Variants in CLSTN2 observed in about 807,000 individuals in gnomAD.
CLSTN2 encodes the protein calsyntenin 2.
In CLSTN2, 48 loss-of-function variants were observed where a neutral mutation model predicts 101.2. That is an observed-to-expected ratio of 0.47 (90% CI 0.38 to 0.60). The LOEUF is 0.60. CLSTN2 is among the 20% of genes least tolerant of loss of function. The pLI is 0.00. For missense variants in CLSTN2, 1,160 were observed against 1,238.2 expected (o/e 0.94, Z 0.95); for synonymous variants, 481 against 463.6 (o/e 1.04, Z -0.48).
chr3:140,144,652 CTTTT>C (rs1358645431), intron 1 of CLSTN2, among the ~76,000 whole-genome samples: 1 of 152,048 alleles, frequency 6.6e-6, no homozygotes, highest in South Asian at 2.1e-4. Flanking sequence ...CCACCCATCT[CTTTT>C]TTCCTAAATA....
At chr3:140,480,722 C>T (rs1934096453) in intron 8 of CLSTN2, among the ~76,000 whole-genome samples, 1 of 152,128 alleles carries the variant, frequency 6.6e-6, no homozygotes, top group Non-Finnish European at 1.5e-5. Context: ...TTTCATCTGT[C>T]TTTTGCCTGC....
chr3:140,181,193 G>A (rs1421439131), intron 2 of CLSTN2, among the ~76,000 whole-genome samples: 1 of 152,196 alleles, frequency 6.6e-6, no homozygotes, highest in African/African-American at 2.4e-5. Context: ...TATTTAAAAT[G>A]GGGGTAATCA....
chr3:140,180,478 G>A (rs987517655), intron 2 of CLSTN2, among the ~76,000 whole-genome samples: 3 of 152,172 alleles, frequency 2.0e-5, no homozygotes, highest in Non-Finnish European at 2.9e-5. Flanking sequence ...ATCAGATACA[G>A]AAAAGAAAAT....
chr3:140,149,848 G>A (rs956344685), intron 1 of CLSTN2, among the ~76,000 whole-genome samples: 2 of 152,094 alleles, frequency 1.3e-5, no homozygotes, highest in East Asian at 3.9e-4. Flanking sequence ...AAATTTAACC[G>A]GGTGTCCTGT....
intron 2 of CLSTN2, among the ~76,000 whole-genome samples, chr3:140,192,448 C>T (rs1181057940): frequency 6.6e-6 from 1 of 151,658 alleles, no homozygotes; most frequent in East Asian, 1.9e-4. Flanking sequence ...TTAGTTCTAC[C>T]AGTTTTTCTT....
At chr3:140,310,284 C>A (rs543917405) in intron 2 of CLSTN2, among the ~76,000 whole-genome samples, 1 of 152,046 alleles carries the variant, frequency 6.6e-6, no homozygotes, top group Non-Finnish European at 1.5e-5. Flanking sequence ...CCCACCGCAC[C>A]CCCTCCCCGC....
chr3:140,542,630 T>C (rs944934944), intron 9 of CLSTN2, among the ~76,000 whole-genome samples: 1 of 152,188 alleles, frequency 6.6e-6, no homozygotes, highest in African/African-American at 2.4e-5. Context: ...TGGCCTCCTG[T>C]TGAAAAATGC....
chr3:140,501,500 A>G (rs1934576178), intron 8 of CLSTN2, among the ~76,000 whole-genome samples: 1 of 152,196 alleles, frequency 6.6e-6, no homozygotes, highest in African/African-American at 2.4e-5. Flanking sequence ...TAAGAGCTCC[A>G]CAGTGGGTTA....
chr3:140,248,740 G>A (rs1254749123), intron 2 of CLSTN2, among the ~76,000 whole-genome samples: 1 of 152,120 alleles, frequency 6.6e-6, no homozygotes, highest in South Asian at 2.1e-4. Flanking sequence ...CCAGTTGAGT[G>A]CTTTCATAAT....
intron 10 of CLSTN2, among the ~76,000 whole-genome samples, chr3:140,555,494 G>C (rs1029842396): frequency 2.6e-5 from 4 of 152,164 alleles, no homozygotes; most frequent in African/African-American, 9.7e-5. Context: ...ATAGAAATGA[G>C]ATAGCTACTT....
At chr3:140,294,885 A>G (rs879832849) in intron 2 of CLSTN2, among the ~76,000 whole-genome samples, 7 of 152,072 alleles carry the variant, frequency 4.6e-5, no homozygotes, top group South Asian at 2.1e-4. Context: ...GTATTCTTTC[A>G]TGGGGAGAAG....
chr3:140,018,948 T>C (rs1037832564), intron 1 of CLSTN2, among the ~76,000 whole-genome samples: 3 of 152,188 alleles, frequency 2.0e-5, no homozygotes, highest in Admixed American at 2.0e-4. Context: ...AGTTAATGGA[T>C]TATTACATGT....
intron 1 of CLSTN2, among the ~76,000 whole-genome samples, chr3:140,088,540 C>T (rs2008716707): frequency 6.6e-6 from 1 of 152,208 alleles, no homozygotes; most frequent in South Asian, 2.1e-4. Flanking sequence ...CATTTAAGGT[C>T]ATTTGAGCTG....
At chr3:140,407,506 T>C (rs1261278995) in intron 4 of CLSTN2, among the ~76,000 whole-genome samples, 1 of 152,132 alleles carries the variant, frequency 6.6e-6, no homozygotes, top group Non-Finnish European at 1.5e-5. Context: ...CTTACCCCAT[T>C]GTGGGGTTGT....
At chr3:140,391,236 G>T (rs112588440) in intron 2 of CLSTN2, among the ~76,000 whole-genome samples, 14 of 152,246 alleles carry the variant, frequency 9.2e-5, no homozygotes, top group African/African-American at 3.4e-4. Flanking sequence ...GTACCACGGG[G>T]TTGCAGCTGC....
At chr3:140,172,467 G>T (rs1460458024) in intron 1 of CLSTN2, among the ~76,000 whole-genome samples, 1 of 152,142 alleles carries the variant, frequency 6.6e-6, no homozygotes, top group Non-Finnish European at 1.5e-5. Context: ...GTTCTCACCA[G>T]ATGAGGTGAA....
intron 2 of CLSTN2, among the ~76,000 whole-genome samples, chr3:140,310,715 A>G (rs569946483): frequency 3.9e-5 from 6 of 152,174 alleles, no homozygotes; most frequent in African/African-American, 1.2e-4. Context: ...ACTTCATTGC[A>G]TTCTATTCTA....
At chr3:139,942,325 G>A (rs958672926) in intron 1 of CLSTN2, among the ~76,000 whole-genome samples, 6 of 152,132 alleles carry the variant, frequency 3.9e-5, no homozygotes, top group Non-Finnish European at 8.8e-5. Context: ...TTGGCCTCAA[G>A]CAGAGGAGGC....
intron 8 of CLSTN2, among the ~76,000 whole-genome samples, chr3:140,525,399 C>T (rs1593803): frequency 0.076 from 11,544 of 152,060 alleles, 1,447 homozygotes; most frequent in African/African-American, 0.26. Flanking sequence ...CTAGGAAGCA[C>T]GTGAAAACCT....
Sources: allele counts gnomAD v4.1 joint callset (sites outside exome capture counted in the v4.1 genomes callset), GRCh38; gene constraint gnomAD v4.1.1; transcripts MANE v1.5; gene names NCBI Gene and HGNC (gene_info 2026-07-23, HGNC 2026-07-21).